The following OGDH variants were observed in gnomAD, a reference collection of about 807,000 sequenced individuals.
The protein encoded by OGDH is oxoglutarate dehydrogenase, also known as 2-oxoglutarate dehydrogenase complex component E1.
Under a neutral mutation model 116.6 loss-of-function variants are expected in OGDH, and 38 were observed. The observed-to-expected ratio is 0.33, with a 90% CI of 0.25 to 0.43. The LOEUF (loss-of-function observed/expected upper bound fraction) is 0.43, where lower values mean the gene tolerates loss of function less well. OGDH is among the 20% of genes least tolerant of loss of function. The pLI, the probability that OGDH is intolerant of heterozygous loss-of-function variation, is 1.00. For missense variants in OGDH, 825 were observed against 1,357.2 expected, an observed-to-expected ratio of 0.61 and a Z score of 6.16; for synonymous variants, 488 against 533.3, an observed-to-expected ratio of 0.92 and a Z score of 1.17.
At chr7:44,644,762 G>A (rs1292655760) in intron 2 of OGDH, among the ~76,000 whole-genome samples, 3 of 152,200 alleles carry the variant, frequency 2.0e-5, no homozygotes, top group African/African-American at 7.2e-5. Flanking sequence ...GTTCCACTTT[G>A]TTCCCAGGGA....
rs779816412 is a variant in OGDH at position 44,707,606 on chromosome 7, C to T, written c.2821C>T (p.Leu941=). 15 of 1,614,104 alleles carry T rather than the reference C, an allele frequency of 9.3e-6. No homozygotes were observed. The South Asian group carries it at 1.6e-4, about 18-fold the overall frequency. ...GCTGTCGCCATTCCCCTTTGACCTC[C>T]TGCTGAAGGAGGTGCAGAAGTACCC... ...EQLSPFPFDL[L]LKEVQKYPNA... is the part of the protein sequence containing the mutation. Residue 941 remains leucine (L), a synonymous_variant, in exon 22 of 23, where the codon CTG becomes TTG. Transcript: ENST00000222673. The surrounding 1 kb of genome is among the most constrained non-coding windows in gnomAD (Gnocchi z 5.2).
intron 4 of OGDH, among the ~76,000 whole-genome samples, chr7:44,660,624 A>G (rs1786894866): frequency 6.6e-6 from 1 of 152,154 alleles, no homozygotes; most frequent in Admixed American, 6.5e-5. Flanking sequence ...TGTTGGGTGG[A>G]GTATTCTCTA....
chr7:44,668,401 A>C (rs1585324015), intron 5 of OGDH, among the ~76,000 whole-genome samples: 2 of 152,148 alleles, frequency 1.3e-5, no homozygotes, highest in Middle Eastern at 3.4e-3. Context: ...GCGCCACTGC[A>C]CTCCAGCCTG....
chr7:44,659,890 T>C (rs1786861087), intron 4 of OGDH, among the ~76,000 whole-genome samples: 1 of 152,182 alleles, frequency 6.6e-6, no homozygotes, highest in South Asian at 2.1e-4. Context: ...CTTGTTTCAT[T>C]GGTTTTTTTC....
chr7:44,635,064 G>C (rs940002467), intron 2 of OGDH, among the ~76,000 whole-genome samples: 1 of 152,206 alleles, frequency 6.6e-6, no homozygotes, highest in African/African-American at 2.4e-5. Context: ...AGTGGTAGAG[G>C]TCATGCAGGC....
chr7:44,689,402 T>C (rs1197744653), intron 10 of OGDH, among the ~76,000 whole-genome samples: 2 of 138,646 alleles, frequency 1.4e-5, no homozygotes, highest in East Asian at 2.1e-4. Context: ...CTTTTTTTTT[T>C]TTTTTTTTTT....
intron 1 of OGDH, among the ~76,000 whole-genome samples, chr7:44,606,979 G>C (rs1190367018): frequency 1.3e-5 from 2 of 152,298 alleles, no homozygotes; most frequent in East Asian, 3.9e-4. Flanking sequence ...GCGCGGCGGC[G>C]GATGTGAGGG....
chr7:44,614,834 C>CTTTTTTT (rs201747358), intron 1 of OGDH, among the ~76,000 whole-genome samples: 2 of 111,158 alleles, frequency 1.8e-5, no homozygotes, highest in Non-Finnish European at 3.7e-5. Flanking sequence ...TCTTTTGGTT[C>CTTTTTTT]TTTTTTTTTT....
rs1407052665 is a variant in OGDH at position 44,697,684 on chromosome 7, G to A, written c.2260G>A (p.Ala754Thr). ...CCAATTTGGTGACTTCCACAACACGGCCCAGTGTATCATCGACCAGTTCAT... is the reference window on the plus strand; with the variant it reads ...CCAATTTGGTGACTTCCACAACACGACCCAGTGTATCATCGACCAGTTCAT... ...EAQFGDFHNTAQCIIDQFICP... is the reference protein window; with the variant it reads ...EAQFGDFHNTTQCIIDQFICP... The change falls in exon 17 of 23, where the codon GCC becomes ACC. Residue 754 changes from alanine to threonine, a missense_variant. Coordinates refer to ENST00000222673, the MANE Select transcript of OGDH (RefSeq NM_002541.4). The surrounding 1 kb of genome is among the most constrained non-coding windows in gnomAD (Gnocchi z 6.0). The A allele has an allele frequency of 6.2e-7, 1 of 1,614,138 alleles. No individual in the cohort carries two copies. The highest frequency in any genetic ancestry group is 8.5e-7 in the Non-Finnish European group (1 of 1,180,062).
intron 1 of OGDH, among the ~76,000 whole-genome samples, chr7:44,613,152 A>G (rs1472565728): frequency 6.6e-6 from 1 of 150,932 alleles, no homozygotes; most frequent in African/African-American, 2.4e-5. Context: ...CTGGGATTAC[A>G]GGCATGAGCC....
At chr7:44,667,000 T>G in intron 5 of OGDH, 149 bp downstream of exon 5, 1 of 575,462 alleles carries the variant, frequency 1.7e-6, no homozygotes, top group Non-Finnish European at 3.0e-6. Flanking sequence ...CAGGCTAGAA[T>G]GCAGTGACAC....
chr7:44,657,854 G>C (rs1408060490), intron 4 of OGDH, among the ~76,000 whole-genome samples: 1 of 152,028 alleles, frequency 6.6e-6, no homozygotes, highest in Non-Finnish European at 1.5e-5. Flanking sequence ...TTATATTTTT[G>C]TGTGTAGATG....
intron 2 of OGDH, among the ~76,000 whole-genome samples, chr7:44,638,052 C>G (rs1785753220): frequency 6.6e-6 from 1 of 152,188 alleles, no homozygotes; most frequent in Non-Finnish European, 1.5e-5. Context: ...ACAACCTTGC[C>G]CACTTACCTT....
chr7:44,700,223 T>C lies in OGDH; in HGVS notation c.2513T>C (p.Phe838Ser). ...VVVNCSTPGN[F>S]FHVLRRQILL... ...GTCAACTGCTCCACTCCTGGCAACT[T>C]CTTCCACGTGCTACGACGCCAGATC... Residue 838 changes from phenylalanine (F) to serine (S), a missense_variant, in exon 19 of 23, where the codon TTC (phenylalanine) becomes TCC (serine). Transcript: ENST00000222673. 1 of 1,614,246 alleles carries C rather than the reference T, an allele frequency of 6.2e-7. No homozygotes were observed. Among genetic ancestry groups the C allele is most frequent in the Non-Finnish European group, 8.5e-7 (1 of 1,180,040 alleles).
At chr7:44,684,213 G>A (rs1288961266) in intron 10 of OGDH, among the ~76,000 whole-genome samples, 1 of 152,186 alleles carries the variant, frequency 6.6e-6, no homozygotes, top group Non-Finnish European at 1.5e-5. Context: ...GCCAGCGCCT[G>A]AGGAAAGCTC....
In OGDH at chr7:44,611,909, A is replaced by G. The variant is rs190141689; in HGVS notation, c.-28+5256A>G. Among the ~76,000 whole-genome samples, 200 of 152,142 alleles carry G rather than the reference A, an allele frequency of 1.3e-3. 1 individual carries two copies. The highest frequency in any genetic ancestry group is 4.6e-3 in the African/African-American group (192 of 41,490). ...AGACTCAAGATCAAATAGATATTCT[A>G]AAAGTTTTAATGTTTTTTTTTATTA... On this transcript the variant is annotated intron_variant, in intron 1 of 22. Coordinates refer to ENST00000222673, the MANE Select transcript of OGDH (RefSeq NM_002541.4).
intron 20 of OGDH, among the ~76,000 whole-genome samples, chr7:44,706,740 C>T (rs1012667411): frequency 6.6e-6 from 1 of 151,598 alleles, no homozygotes; most frequent in Non-Finnish European, 1.5e-5. Context: ...TCCACCTCAG[C>T]CTCCCGAGTA....
At chr7:44,702,645 T>C (rs1331343466) in intron 20 of OGDH, among the ~76,000 whole-genome samples, 1 of 152,096 alleles carries the variant, frequency 6.6e-6, no homozygotes, top group African/African-American at 2.4e-5. Flanking sequence ...CAGGCTGGAG[T>C]GTGGTGGCAC....
At chr7:44,612,727 T>TA (rs1242996944) in intron 1 of OGDH, among the ~76,000 whole-genome samples, 4 of 150,620 alleles carry the variant, frequency 2.7e-5, no homozygotes, top group Non-Finnish European at 5.9e-5. Flanking sequence ...GGCAGGGTCT[T>TA]ACTCTGTCAC....
Sources: gnomAD v4.1 joint callset for allele counts (sites outside exome capture counted in the v4.1 genomes callset) on GRCh38, gnomAD v4.1.1 for gene constraint, Gnocchi (gnomAD v3.1) non-coding constraint, MANE v1.5 for transcripts, NCBI Gene and HGNC (gene_info 2026-07-23, HGNC 2026-07-21) for gene names.